Variants in NGEF observed in about 807,000 individuals in gnomAD.
The protein encoded by NGEF is neuronal guanine nucleotide exchange factor.
A neutral mutation model predicts 80.9 loss-of-function variants in NGEF; 31 were observed. The observed-to-expected ratio is 0.38, with a 90% CI of 0.29 to 0.52. The LOEUF is 0.52. NGEF is among the 20% of genes least tolerant of loss of function. The pLI is 0.84. For synonymous variants in NGEF, 371 were observed against 370.2 expected (o/e 1.00, Z -0.03); for missense variants, 709 against 926.2 (o/e 0.77, Z 3.04).
chr2:232,882,100 T>G (rs1167867015), intron 13 of NGEF, 86 bp downstream of exon 13: 1 of 1,274,502 alleles, frequency 7.8e-7, no homozygotes, highest in African/African-American at 1.5e-5. Context: ...AGGGCTTCCC[T>G]CCAGGCAGGG....
chr2:232,966,463 G>C (rs1694061111), intron 3 of NGEF, among the ~76,000 whole-genome samples: 1 of 152,130 alleles, frequency 6.6e-6, no homozygotes, highest in South Asian at 2.1e-4. Context: ...GGCTGCTTCA[G>C]CCAGTTCAGC....
chr2:232,886,406 T>C (rs1290991814), intron 9 of NGEF, among the ~76,000 whole-genome samples: 2 of 151,850 alleles, frequency 1.3e-5, no homozygotes, highest in Non-Finnish European at 2.9e-5. Context: ...GTGTATGTGC[T>C]GTGCGTGTGC....
chr2:232,946,649 C>T (rs1293791350), intron 3 of NGEF, among the ~76,000 whole-genome samples: 1 of 152,132 alleles, frequency 6.6e-6, no homozygotes, highest in African/African-American at 2.4e-5. Context: ...CAGCATTCTC[C>T]ACTAAATGGA....
chr2:232,917,935 G>A (rs539763917), intron 5 of NGEF, among the ~76,000 whole-genome samples: 3 of 151,642 alleles, frequency 2.0e-5, no homozygotes, highest in Admixed American at 6.6e-5. Flanking sequence ...CACTATACCC[G>A]GCTAATTAAT....
chr2:233,012,553 A>G, intron 1 of NGEF: 1 of 259,414 alleles, frequency 3.9e-6, no homozygotes, highest in Non-Finnish European at 7.5e-6. Flanking sequence ...TGACCCTGAG[A>G]TTTGTGCCAT....
At chr2:233,004,078 C>A (rs78175608) in intron 1 of NGEF, among the ~76,000 whole-genome samples, 24,280 of 152,140 alleles carry the variant, frequency 0.16, 2,126 homozygotes, top group South Asian at 0.3. Context: ...GCAGCAAGCA[C>A]CCCCTTGATC....
chr2:232,905,707 G>C (rs1052333042), intron 5 of NGEF: 1 of 398,918 alleles, frequency 2.5e-6, no homozygotes, highest in East Asian at 1.2e-4. Context: ...GAGCATCTCC[G>C]CCCGGCCGCC....
At position 232,974,884 on chromosome 2, in the gene NGEF, T is replaced by A. The variant is rs1456065658; in HGVS notation, c.7A>T (p.Thr3Ser). METRESEDLEKTR... is the reference protein window; with the variant it reads MESRESEDLEKTR... ...TTTTCCAAATCTTCAGATTCCCTGG[T>A]CTCCATGGAAATAGAGCCAGATGTT... is the stretch of plus-strand genomic sequence containing the variant. Residue 3 changes from threonine to serine, a missense_variant, in exon 2 of 15, where the codon ACC (threonine) becomes TCC (serine). Transcript: ENST00000264051. 1 of 1,613,070 alleles carries A rather than the reference T, an allele frequency of 6.2e-7. No homozygotes were observed. Among genetic ancestry groups the A allele is most frequent in the Non-Finnish European group, 8.5e-7 (1 of 1,179,766 alleles).
chr2:233,013,022 T>C (rs1192223717), intron 1 of NGEF, 46 bp downstream of exon 1: 4 of 457,502 alleles, frequency 8.7e-6, no homozygotes, highest in Non-Finnish European at 1.8e-5. Context: ...TTCTCTTGTT[T>C]TATCTCATTT....
At chr2:232,956,862 GC>G (rs1185761475) in intron 3 of NGEF, among the ~76,000 whole-genome samples, 2 of 149,490 alleles carry the variant, frequency 1.3e-5, no homozygotes, top group Non-Finnish European at 3.0e-5. Context: ...AAATAAAAGC[GC>G]ATAAGAAGGA....
chr2:232,920,058 C>T (rs1241177172), intron 5 of NGEF, among the ~76,000 whole-genome samples: 4 of 152,238 alleles, frequency 2.6e-5, no homozygotes, highest in Non-Finnish European at 5.9e-5. Context: ...AGCAATGCTT[C>T]AGACGCTCAA....
chr2:232,993,209 TGCCCG>T (rs1694707723), intron 1 of NGEF, among the ~76,000 whole-genome samples: 73 of 30,264 alleles, frequency 2.4e-3, no homozygotes, highest in South Asian at 0.013. Flanking sequence ...TATATATATT[TGCCCG>T]TATAGATACA....
At chr2:232,906,166 G>A (rs1367344380) in intron 5 of NGEF, among the ~76,000 whole-genome samples, 2 of 54,254 alleles carry the variant, frequency 3.7e-5, no homozygotes, top group African/African-American at 1.5e-4. Flanking sequence ...CGGGAGGGAG[G>A]TGGGGGGGTC....
At chr2:232,967,018 C>T (rs6720218) in intron 3 of NGEF, among the ~76,000 whole-genome samples, 34,673 of 152,010 alleles carry the variant, frequency 0.23, 4,811 homozygotes, top group Non-Finnish European at 0.31. Context: ...ATTTTTGTCC[C>T]CACCCAAATC....
chr2:232,927,976 GA>G, intron 3 of NGEF: 1 of 1,290,384 alleles, frequency 7.7e-7, no homozygotes, highest in Non-Finnish European at 9.8e-7. Flanking sequence ...AGGCGGCGCT[GA>G]AGGCAGCGGC....
At chr2:232,920,015 T>G (rs1692902997) in intron 5 of NGEF, among the ~76,000 whole-genome samples, 1 of 152,112 alleles carries the variant, frequency 6.6e-6, no homozygotes, top group African/African-American at 2.4e-5. Context: ...TAATGAAGGG[T>G]GGAAAAACTG....
intron 1 of NGEF, among the ~76,000 whole-genome samples, chr2:232,975,513 A>T (rs1393995115): frequency 1.3e-5 from 2 of 152,170 alleles, no homozygotes; most frequent in African/African-American, 2.4e-5. Flanking sequence ...TGGAAGAATA[A>T]GGTCCCCCCA....
chr2:232,919,873 A>G (rs995666642), intron 5 of NGEF, among the ~76,000 whole-genome samples: 1 of 152,252 alleles, frequency 6.6e-6, no homozygotes, highest in Non-Finnish European at 1.5e-5. Flanking sequence ...GTGGTGGGAT[A>G]AGATCGTGAA....
intron 3 of NGEF, among the ~76,000 whole-genome samples, chr2:232,956,570 C>G (rs1693837844): frequency 6.6e-6 from 1 of 151,962 alleles, no homozygotes; most frequent in African/African-American, 2.4e-5. Flanking sequence ...AGTTCGAGAC[C>G]AGCCTGGCCA....
Sources: allele counts gnomAD v4.1 joint callset (sites outside exome capture counted in the v4.1 genomes callset), GRCh38; gene constraint gnomAD v4.1.1; transcripts MANE v1.5; gene names NCBI Gene and HGNC (gene_info 2026-07-23, HGNC 2026-07-21).